The following ATRN variants were observed in gnomAD, a reference collection of about 807,000 sequenced individuals.
ATRN encodes the protein attractin-2.
A neutral mutation model predicts 178.7 loss-of-function variants in ATRN; 54 were observed. The observed-to-expected ratio is 0.30, with a 90% CI of 0.24 to 0.38. ATRN has a LOEUF of 0.38. ATRN is among the 10% of genes least tolerant of loss of function. The pLI, the probability that ATRN is intolerant of heterozygous loss-of-function variation, is 1.00. For missense variants in ATRN, 1,443 were observed against 1,815.1 expected, an observed-to-expected ratio of 0.79 and a Z score of 3.73; for synonymous variants, 636 against 663.0, an observed-to-expected ratio of 0.96 and a Z score of 0.63.
At chr20:3,486,717 A>G (rs1421946808) in intron 1 of ATRN, among the ~76,000 whole-genome samples, 1 of 152,160 alleles carries the variant, frequency 6.6e-6, no homozygotes, top group East Asian at 1.9e-4. Flanking sequence ...GCTTTTACTC[A>G]TAGTCTATCT....
chr20:3,525,751 G>A (rs1254236742), intron 1 of ATRN, among the ~76,000 whole-genome samples: 5 of 152,018 alleles, frequency 3.3e-5, no homozygotes, highest in Admixed American at 6.6e-5. Flanking sequence ...TCAACATAAC[G>A]GAAATCAATA....
intron 2 of ATRN, among the ~76,000 whole-genome samples, chr20:3,539,898 C>T (rs530841824): frequency 2.6e-5 from 4 of 152,076 alleles, no homozygotes; most frequent in East Asian, 3.9e-4. Context: ...TATGAAATGA[C>T]GTAGTGTGGA....
chr20:3,641,053 G>C (rs957803951), intron 27 of ATRN, among the ~76,000 whole-genome samples: 1 of 152,152 alleles, frequency 6.6e-6, no homozygotes, highest in African/African-American at 2.4e-5. Context: ...ATACACTTGT[G>C]GTAGTCAAGC....
At chr20:3,550,550 C>A (rs371598620) in intron 6 of ATRN, among the ~76,000 whole-genome samples, 26 of 152,308 alleles carry the variant, frequency 1.7e-4, no homozygotes, top group African/African-American at 4.8e-4. Flanking sequence ...AGATTTCCTC[C>A]AGGTTCTTTT....
At chr20:3,622,756 G>T (rs1214796105) in intron 24 of ATRN, among the ~76,000 whole-genome samples, 1 of 152,218 alleles carries the variant, frequency 6.6e-6, no homozygotes, top group East Asian at 1.9e-4. Flanking sequence ...CAACTAAGAG[G>T]ATCCCTTTAA....
intron 8 of ATRN, among the ~76,000 whole-genome samples, chr20:3,561,638 A>G (rs1042573160): frequency 1.3e-5 from 2 of 152,202 alleles, no homozygotes; most frequent in African/African-American, 4.8e-5. Flanking sequence ...TAGGAATACC[A>G]GGTATAATTA....
At chr20:3,641,411 TG>T (rs1348326003) in intron 27 of ATRN, among the ~76,000 whole-genome samples, 1 of 151,372 alleles carries the variant, frequency 6.6e-6, no homozygotes, top group Non-Finnish European at 1.5e-5. Flanking sequence ...GCCAACATGG[TG>T]AAACCCCATC....
At chr20:3,582,721 CAAAG>C (rs991700902) in intron 16 of ATRN, among the ~76,000 whole-genome samples, 17 of 152,020 alleles carry the variant, frequency 1.1e-4, no homozygotes, top group Non-Finnish European at 1.9e-4. Context: ...AAAATAAAAA[CAAAG>C]AAAAGATTAG....
In ATRN at chr20:3,502,269, T is replaced by C. The variant is rs191042517; in HGVS notation, c.410+30752T>C. Among the ~76,000 whole-genome samples, 6 of 152,284 alleles carry C rather than the reference T, an allele frequency of 3.9e-5. No homozygotes were observed. The East Asian group carries it at 9.6e-4, about 24-fold the overall frequency. ...AAACAGACTCATAGGGAGGCTTTTA[T>C]TACAAATAAGATGGTATAGACTCAG... On this transcript the variant is annotated intron_variant, in intron 1 of 28. Coordinates refer to ENST00000262919, the MANE Select transcript of ATRN (RefSeq NM_139321.3).
chr20:3,537,556 C>A (rs2085555032), intron 2 of ATRN, among the ~76,000 whole-genome samples: 1 of 150,000 alleles, frequency 6.7e-6, no homozygotes, highest in East Asian at 1.9e-4. Context: ...TACATGTGCA[C>A]AACGTGCAGG....
At chr20:3,492,863 GCGCGTGCGCACGCA>G (rs1281300056) in intron 1 of ATRN, among the ~76,000 whole-genome samples, 235 of 123,486 alleles carry the variant, frequency 1.9e-3, no homozygotes, top group African/African-American at 8.0e-3. Flanking sequence ...AGGCGCGCGC[GCGCGTGCGCACGCA>G]CACACACACA....
intron 1 of ATRN, among the ~76,000 whole-genome samples, chr20:3,519,070 G>C (rs34992824): frequency 6.7e-6 from 1 of 149,566 alleles, no homozygotes; most frequent in African/African-American, 2.5e-5. Context: ...CAAGCAGAGA[G>C]AACTGGTGTA....
rs182101310 is a variant in ATRN at position 3,631,647 on chromosome 20, C to T, written c.3864-2664C>T. On this transcript the variant is annotated intron_variant, in intron 25 of 28. Transcript: ENST00000262919. The stretch of plus-strand genomic sequence containing the variant: ...AGATCTTCACTGAATACAGAAGGGC[C>T]CTCTCACCTTCCCTGAGGCATAGAG... 1.7e-3 allele frequency among the ~76,000 whole-genome samples: 259 copies of T among 152,146 alleles called. 2 individuals are homozygous for T. Among genetic ancestry groups the T allele is most frequent in the Non-Finnish European group, 2.7e-3 (182 of 68,000 alleles).
chr20:3,595,047 T>C (rs6037632), intron 20 of ATRN, among the ~76,000 whole-genome samples: 2,629 of 152,332 alleles, frequency 0.017, 83 homozygotes, highest in African/African-American at 0.06. Flanking sequence ...GTCAGGCATC[T>C]TCCTGGAGAG....
At chr20:3,518,100 C>T (rs2085231153) in intron 1 of ATRN, among the ~76,000 whole-genome samples, 1 of 152,206 alleles carries the variant, frequency 6.6e-6, no homozygotes, top group Admixed American at 6.5e-5. Context: ...AACTTTATAA[C>T]CATCTTTGTA....
intron 1 of ATRN, among the ~76,000 whole-genome samples, chr20:3,492,875 G>A (rs6115924): frequency 0.048 from 5,113 of 106,682 alleles, 146 homozygotes; most frequent in African/African-American, 0.091. Flanking sequence ...GCGTGCGCAC[G>A]CACACACACA....
At position 3,630,964 on chromosome 20, in the gene ATRN, T is replaced by TTTTTTTTTTTTTG. The variant is rs1307722255; in HGVS notation, c.3864-3347_3864-3346insTTTTTTTTTTTTG. Among the ~76,000 whole-genome samples, 20 of 73,426 alleles carry TTTTTTTTTTTTTG rather than the reference T, an allele frequency of 2.7e-4. 6 individuals carry two copies. Among genetic ancestry groups the TTTTTTTTTTTTTG allele is most frequent in the Non-Finnish European group, 4.3e-4 (17 of 39,836 alleles). 48.2% of individuals were successfully genotyped at this position (73,426 alleles called of 152,430 possible). A position where few individuals can be genotyped will look rare whatever the true frequency, so the allele number is the denominator to read the frequency against. On this transcript the variant is annotated intron_variant, in intron 25 of 28. Transcript: ENST00000262919. ...TTTTTTTTTTTTTTTTTTTTTTTTT[T>TTTTTTTTTTTTTG]GGGATAGGGTCTCTGTTGCCCAGGC...
chr20:3,548,068 T>A (rs1351015902), intron 5 of ATRN, among the ~76,000 whole-genome samples: 1 of 152,180 alleles, frequency 6.6e-6, no homozygotes, highest in Non-Finnish European at 1.5e-5. Context: ...CATTTTAGAG[T>A]TAATAATTGA....
At position 3,497,372 on chromosome 20, in the gene ATRN, C is replaced by G. The variant is rs1023148151; in HGVS notation, c.410+25855C>G. On this transcript the variant is annotated intron_variant, in intron 1 of 28. Transcript: ENST00000262919. Reference sequence around the variant, plus strand: ...GGCAGGCCTGGTGGTGACAGAATCTCTCAGCATTTGCTTGTCTGTGAAGGA... The same window carrying G: ...GGCAGGCCTGGTGGTGACAGAATCTGTCAGCATTTGCTTGTCTGTGAAGGA... 3.9e-4 allele frequency among the ~76,000 whole-genome samples: 59 copies of G among 152,116 alleles called. 1 individual carries two copies. Among genetic ancestry groups the G allele is most frequent in the Admixed American group, 7.9e-4 (12 of 15,282 alleles).
Sources: gnomAD v4.1 joint callset for allele counts (sites outside exome capture counted in the v4.1 genomes callset) on GRCh38, gnomAD v4.1.1 for gene constraint, MANE v1.5 for transcripts, NCBI Gene and HGNC (gene_info 2026-07-23, HGNC 2026-07-21) for gene names.